The following POU6F2 variants were observed in gnomAD, a reference collection of about 807,000 sequenced individuals.
POU6F2 encodes POU domain, class 6, transcription factor 2.
A neutral mutation model predicts 71.3 loss-of-function variants in POU6F2; 31 were observed. The observed-to-expected ratio is 0.43, with a 90% CI of 0.33 to 0.59. The LOEUF is 0.59. POU6F2 is among the 20% of genes least tolerant of loss of function. The pLI, the probability that POU6F2 is intolerant of heterozygous loss-of-function variation, is 0.04. For synonymous variants in POU6F2, 347 were observed against 355.7 expected (o/e 0.98, Z 0.27); for missense variants, 783 against 856.8 (o/e 0.91, Z 1.07).
chr7:39,149,970 C>G (rs1792716276), intron 2 of POU6F2, among the ~76,000 whole-genome samples: 1 of 152,034 alleles, frequency 6.6e-6, no homozygotes, highest in South Asian at 2.1e-4. Context: ...ACTGCAAGCC[C>G]CGCCTCCCGG....
chr7:39,418,768 G>A (rs1156593838), intron 6 of POU6F2, among the ~76,000 whole-genome samples: 1 of 150,908 alleles, frequency 6.6e-6, no homozygotes, highest in Non-Finnish European at 1.5e-5. Context: ...CTGGATTTGA[G>A]CCCAGATCTG....
chr7:39,061,431 T>C (rs924254476), intron 1 of POU6F2, among the ~76,000 whole-genome samples: 6 of 152,348 alleles, frequency 3.9e-5, no homozygotes, highest in African/African-American at 1.4e-4. Context: ...TAAAAACCCA[T>C]GTTAATAAAC....
chr7:39,398,355 A>C (rs189970290), intron 5 of POU6F2, among the ~76,000 whole-genome samples: 3 of 152,114 alleles, frequency 2.0e-5, no homozygotes, highest in Non-Finnish European at 4.4e-5. Flanking sequence ...TTTCTTAAAA[A>C]CTTTTATGAT....
chr7:39,259,927 C>G (rs1784099040), intron 4 of POU6F2, among the ~76,000 whole-genome samples: 1 of 151,796 alleles, frequency 6.6e-6, no homozygotes, highest in Non-Finnish European at 1.5e-5. Context: ...GGTGGGAGTC[C>G]TGTGTGTGTG....
intron 4 of POU6F2, among the ~76,000 whole-genome samples, chr7:39,247,869 G>GT (rs1389472084): frequency 6.6e-6 from 1 of 152,180 alleles, no homozygotes; most frequent in Non-Finnish European, 1.5e-5. Flanking sequence ...GAGCCTGGAA[G>GT]TTTCCGCGGT....
intron 4 of POU6F2, among the ~76,000 whole-genome samples, chr7:39,286,648 T>C (rs1167306119): frequency 2.0e-5 from 3 of 152,250 alleles, no homozygotes; most frequent in Non-Finnish European, 4.4e-5. Context: ...TTCCCTGATG[T>C]GAAACTTTCA....
At chr7:39,131,607 C>T (rs1036827715) in intron 2 of POU6F2, among the ~76,000 whole-genome samples, 2 of 152,198 alleles carry the variant, frequency 1.3e-5, no homozygotes, top group East Asian at 1.9e-4. Flanking sequence ...CTGGAATCTC[C>T]TCCTTCTTAA....
intron 2 of POU6F2, among the ~76,000 whole-genome samples, chr7:39,130,633 A>AATC (rs376274454): frequency 6.6e-6 from 1 of 151,938 alleles, no homozygotes; most frequent in African/African-American, 2.4e-5. Context: ...AAACTCACTG[A>AATC]ATCATAATAG....
At chr7:39,459,452 G>GGTTTGGTTTTGTTTT (rs1016811605) in intron 8 of POU6F2, among the ~76,000 whole-genome samples, 39 of 148,932 alleles carry the variant, frequency 2.6e-4, no homozygotes, top group African/African-American at 5.0e-4. Context: ...TGGTTTTGTG[G>GGTTTGGTTTTGTTTT]GTTTTGTTTT....
At chr7:39,201,008 C>T (rs1793888041) in intron 2 of POU6F2, among the ~76,000 whole-genome samples, 1 of 151,938 alleles carries the variant, frequency 6.6e-6, no homozygotes, top group South Asian at 2.1e-4. Flanking sequence ...GCTGGAGCAA[C>T]AGAGTGAGAT....
chr7:39,186,751 G>A (rs761612955), intron 2 of POU6F2, among the ~76,000 whole-genome samples: 2 of 152,004 alleles, frequency 1.3e-5, no homozygotes, highest in Admixed American at 1.3e-4. Context: ...CTCCCCTCCC[G>A]CAGATTCTTT....
intron 6 of POU6F2, among the ~76,000 whole-genome samples, chr7:39,407,156 A>G (rs950443813): frequency 6.6e-6 from 1 of 152,014 alleles, no homozygotes; most frequent in Non-Finnish European, 1.5e-5. Context: ...AATTGCTGTG[A>G]GAGAGATATC....
intron 4 of POU6F2, among the ~76,000 whole-genome samples, chr7:39,300,102 A>G (rs947868486): frequency 8.5e-5 from 13 of 152,196 alleles, no homozygotes; most frequent in South Asian, 2.1e-4. Flanking sequence ...TCCAGTGCCA[A>G]TCACCTTCAG....
chr7:39,410,344 T>C (rs1329825349), intron 6 of POU6F2, among the ~76,000 whole-genome samples: 1 of 152,146 alleles, frequency 6.6e-6, no homozygotes, highest in African/African-American at 2.4e-5. Flanking sequence ...GTACATATCT[T>C]ACCCAGGGAT....
chr7:39,023,504 G>C (rs997667679), intron 1 of POU6F2, among the ~76,000 whole-genome samples: 1 of 152,016 alleles, frequency 6.6e-6, no homozygotes, highest in East Asian at 1.9e-4. Flanking sequence ...TAGAGGCCAA[G>C]AATACATCTA....
intron 1 of POU6F2, among the ~76,000 whole-genome samples, chr7:38,981,160 T>C (rs1788305825): frequency 6.6e-6 from 1 of 152,230 alleles, no homozygotes; most frequent in East Asian, 1.9e-4. Flanking sequence ...ATGGGATGAT[T>C]TTCAATTCAA....
intron 2 of POU6F2, among the ~76,000 whole-genome samples, chr7:39,134,687 T>C (rs1525794): frequency 6.6e-6 from 1 of 151,924 alleles, no homozygotes; most frequent in African/African-American, 2.4e-5. Flanking sequence ...CCCACTCCAA[T>C]CTGTGTGCAA....
chr7:39,431,938 T>G (rs1788111008), intron 6 of POU6F2, among the ~76,000 whole-genome samples: 1 of 152,176 alleles, frequency 6.6e-6, no homozygotes, highest in Non-Finnish European at 1.5e-5. Flanking sequence ...AAAGCAGAGC[T>G]AGGTAACCAT....
intron 1 of POU6F2, among the ~76,000 whole-genome samples, chr7:39,021,058 G>T (rs1442901567): frequency 6.6e-6 from 1 of 151,508 alleles, no homozygotes. Context: ...ATGGAGAAAT[G>T]TAATTCCTTC....
Sources: gnomAD v4.1 joint callset for allele counts (sites outside exome capture counted in the v4.1 genomes callset) on GRCh38, gnomAD v4.1.1 for gene constraint, MANE v1.5 for transcripts, NCBI Gene and HGNC (gene_info 2026-07-23, HGNC 2026-07-21) for gene names.